The following SNX27 variants were observed in gnomAD, a reference collection of about 807,000 sequenced individuals.
SNX27 encodes the protein sorting nexin 27.
Under a neutral mutation model 71.6 loss-of-function variants are expected in SNX27, and 22 were observed. That is an observed-to-expected ratio of 0.31 (90% confidence interval 0.22 to 0.44). The LOEUF is 0.44. SNX27 is among the 20% of genes least tolerant of loss of function. The probability of loss-of-function intolerance (pLI) is 1.00; values close to 1 mark genes in which losing one functional copy is unlikely to be tolerated. For missense variants in SNX27, 531 were observed against 698.6 expected, an observed-to-expected ratio of 0.76 and a Z score of 2.70; for synonymous variants, 269 against 277.2, an observed-to-expected ratio of 0.97 and a Z score of 0.29.
chr1:151,691,804 G>A (rs980705328), intron 8 of SNX27, among the ~76,000 whole-genome samples: 24 of 145,498 alleles, frequency 1.6e-4, no homozygotes, highest in African/African-American at 4.0e-4. Context: ...GTGAGCCACC[G>A]CGCCTGGCCT....
chr1:151,638,160 A>G (rs572544099), intron 1 of SNX27, among the ~76,000 whole-genome samples: 1 of 152,336 alleles, frequency 6.6e-6, no homozygotes, highest in South Asian at 2.1e-4. Flanking sequence ...TGACCATATA[A>G]TTATAGGTGT....
intron 4 of SNX27, 168 bp downstream of exon 4, chr1:151,661,030 TC>T (rs1434631125): frequency 3.7e-6 from 2 of 536,970 alleles, no homozygotes; most frequent in Non-Finnish European, 6.7e-6. Context: ...AAGACCTAGG[TC>T]CACTTTCTCT....
chr1:151,639,898 T>G lies in SNX27; in HGVS notation c.543+779T>G, dbSNP rs144189950. On this transcript the variant is annotated intron_variant, in intron 2 of 11. Transcript: ENST00000458013. ...TTGATATAATGAGAAATGTTCATTA[T>G]TCTTAGTAGAAAATGCAGTGGGTTC... 5.3e-4 allele frequency among the ~76,000 whole-genome samples: 81 copies of G among 152,376 alleles called. 1 individual carries two copies. In the East Asian group the frequency reaches 0.015, roughly 29 times the overall value.
At position 151,692,899 on chromosome 1, in the gene SNX27, T is replaced by C. The variant is rs778629296; in HGVS notation, c.1390-12T>C. ...ACAGACTGTACCTTACTCCCTTGTC[T>C]TGGTTGTCCAGAACCAGGTAATTGC... On this transcript the variant is annotated splice_polypyrimidine_tract_variant and intron_variant, in intron 9 of 11. Transcript: ENST00000458013. 3 of 1,614,142 alleles carry C rather than the reference T, an allele frequency of 1.9e-6. No individual in the cohort carries two copies. The Admixed American group carries it at 5.0e-5, about 27-fold the overall frequency.
chr1:151,634,250 A>G (rs917520927), intron 1 of SNX27, among the ~76,000 whole-genome samples: 6 of 152,178 alleles, frequency 3.9e-5, no homozygotes, highest in African/African-American at 1.4e-4. Context: ...TTTATTATCC[A>G]TTTTTAATGG....
At chr1:151,680,060 C>T (rs1368577194) in intron 7 of SNX27, 1 of 151,432 alleles carries the variant, frequency 6.6e-6, no homozygotes, top group East Asian at 1.9e-4. Flanking sequence ...AAATTATATA[C>T]ATCTTTTACT....
chr1:151,691,407 G>C (rs565397092), intron 8 of SNX27, among the ~76,000 whole-genome samples: 1 of 151,630 alleles, frequency 6.6e-6, no homozygotes, highest in South Asian at 2.1e-4. Context: ...TTCTAGCCCT[G>C]TGAGTCCTGG....
At chr1:151,692,652 G>C in intron 9 of SNX27, 68 bp downstream of exon 9, 2 of 1,563,870 alleles carry the variant, frequency 1.3e-6, no homozygotes, top group Non-Finnish European at 1.7e-6. Context: ...TGCTTGTGAC[G>C]TTTTAATTCC....
chr1:151,624,390 T>TTTTC (rs969294716), intron 1 of SNX27, among the ~76,000 whole-genome samples: 1 of 148,978 alleles, frequency 6.7e-6, no homozygotes, highest in Non-Finnish European at 1.5e-5. Context: ...TGAGCTTTTT[T>TTTTC]TTTCTGAATA....
At chr1:151,619,003 T>C (rs1667553995) in intron 1 of SNX27, among the ~76,000 whole-genome samples, 1 of 139,124 alleles carries the variant, frequency 7.2e-6, no homozygotes, top group South Asian at 2.3e-4. Flanking sequence ...TATAACCTAA[T>C]ATATATGCAA....
At chr1:151,683,594 C>T (rs185229646) in intron 8 of SNX27, 149 bp downstream of exon 8, 116 of 443,448 alleles carry the variant, frequency 2.6e-4, no homozygotes, top group African/African-American at 2.3e-3. Context: ...ATGCAAAGTC[C>T]ATTGTGTTTC....
chr1:151,641,715 C>T (rs1285211548), intron 2 of SNX27, among the ~76,000 whole-genome samples: 1 of 132,254 alleles, frequency 7.6e-6, no homozygotes, highest in African/African-American at 2.8e-5. Flanking sequence ...ATATATATAG[C>T]ATATGATATA....
At chr1:151,666,094 AG>A in intron 6 of SNX27, 83 bp downstream of exon 6, 1 of 1,088,836 alleles carries the variant, frequency 9.2e-7, no homozygotes, top group Non-Finnish European at 1.4e-6. Flanking sequence ...CTTGAAGACA[AG>A]GGGAGATCCC....
In SNX27 at chr1:151,626,123, C is replaced by T. The variant is rs374757387; in HGVS notation, c.312-12765C>T. 1.4e-4 allele frequency among the ~76,000 whole-genome samples: 21 copies of T among 151,568 alleles called. No individual in the cohort carries two copies. The East Asian group carries it at 1.9e-3, about 14-fold the overall frequency. On this transcript the variant is annotated intron_variant, in intron 1 of 11. Coordinates refer to ENST00000458013, the MANE Select transcript of SNX27 (RefSeq NM_001330723.2). ...CACCCTGGGCGACAGAGCGAGACTC[C>T]GTTTCAAAAAAATAAAAAATAAAAT... is the stretch of plus-strand genomic sequence containing the variant.
Position 151,692,432 on chromosome 1 carries a change from TAGTA to T in SNX27, c.1240-2_1241del. On this transcript the variant is annotated splice_acceptor_variant and coding_sequence_variant, in exon 9 of 12. Transcript: ENST00000458013. LOFTEE classifies it high-confidence loss of function. ...TTTTTTTTTTTTTTTTTTTTTTTTT[TAGTA>T]CCTCAACATGCTAAGGACTTGTGAG... The T allele has an allele frequency of 1.4e-6, 2 of 1,452,068 alleles. No individual in the cohort carries two copies. The highest frequency in any genetic ancestry group is 1.7e-5 in the African/African-American group (1 of 59,768). 89.9% of individuals were successfully genotyped at this position (1,452,068 alleles called of 1,614,324 possible).
At chr1:151,624,299 A>G (rs1483159292) in intron 1 of SNX27, among the ~76,000 whole-genome samples, 2 of 151,710 alleles carry the variant, frequency 1.3e-5, no homozygotes, top group Non-Finnish European at 2.9e-5. Context: ...GTATTCTACT[A>G]AGAGTGAAAT....
intron 1 of SNX27, chr1:151,629,470 C>CATATACGTGT (rs2102614825): frequency 4.4e-5 from 1 of 22,744 alleles, no homozygotes; most frequent in African/African-American, 8.2e-5. Context: ...CGTATATATA[C>CATATACGTGT]ATATATACGT....
chr1:151,612,552 C>G lies in SNX27; in HGVS notation c.311+40C>G. On this transcript the variant is annotated intron_variant, in intron 1 of 11. Coordinates refer to ENST00000458013, the MANE Select transcript of SNX27 (RefSeq NM_001330723.2). The surrounding 1 kb of genome is among the most constrained non-coding windows in gnomAD (Gnocchi z 5.2). ...TACCCGCCGCCCCATCCTCCCCGCG[C>G]CCCTCCTGCCCCTGCACTCCTCGCT... 7.8e-7 allele frequency: 1 copy of G among 1,285,024 alleles called. No homozygotes were observed. The highest frequency in any genetic ancestry group is 1.9e-5 in the South Asian group (1 of 52,360). 79.6% of individuals were successfully genotyped at this position (1,285,024 alleles called of 1,614,324 possible).
intron 7 of SNX27, among the ~76,000 whole-genome samples, chr1:151,682,558 T>G (rs1671014587): frequency 6.6e-6 from 1 of 152,068 alleles, no homozygotes; most frequent in Non-Finnish European, 1.5e-5. Context: ...CCTGACCTTG[T>G]GATTCACCCG....
Sources: allele counts gnomAD v4.1 joint callset (sites outside exome capture counted in the v4.1 genomes callset), GRCh38; gene constraint gnomAD v4.1.1; non-coding constraint Gnocchi (gnomAD v3.1); transcripts MANE v1.5; gene names NCBI Gene and HGNC (gene_info 2026-07-23, HGNC 2026-07-21).